The following SPATA31F1 variants were observed in gnomAD, a reference collection of about 807,000 sequenced individuals.
The protein encoded by SPATA31F1 is protein SPATA31F1.
At chr9:34,723,138 C>T in the SPATA31F1 span, 1 of 1,419,090 alleles carries the variant, frequency 7.0e-7, no homozygotes, top group Admixed American at 2.7e-5. Context: ...CTCTGGAGGG[C>T]TGCAGCAGTT....
At chr9:34,724,362 G>T in the SPATA31F1 span, 2 of 1,550,894 alleles carry the variant, frequency 1.3e-6, no homozygotes, top group Non-Finnish European at 1.7e-6. Context: ...TCTTTAAGGT[G>T]AACCCCTTCT....
At chr9:34,725,242 T>TGTCCATCCCCA in the SPATA31F1 span, 1 of 1,415,628 alleles carries the variant, frequency 7.1e-7, no homozygotes, top group Non-Finnish European at 9.7e-7. Flanking sequence ...TTAACAAGTG[T>TGTCCATCCCCA]GGCCTGGGGA....
chr9:34,724,411 T>C, the SPATA31F1 span: 4 of 1,550,764 alleles, frequency 2.6e-6, no homozygotes, highest in Non-Finnish European at 3.5e-6. Context: ...GGATGGGCAG[T>C]TCCTGGAGCA....
chr9:34,728,398 A>G, the SPATA31F1 span, among the ~76,000 whole-genome samples: 3 of 152,208 alleles, frequency 2.0e-5, no homozygotes, highest in Non-Finnish European at 4.4e-5. Flanking sequence ...CATCTGCTCT[A>G]CTTTCTTAAT....
At chr9:34,727,962 G>A in the SPATA31F1 span, 1 of 1,500,774 alleles carries the variant, frequency 6.7e-7, no homozygotes, top group South Asian at 1.2e-5. Flanking sequence ...CCCAGGCCAA[G>A]CCAAGAAATC....
chr9:34,723,117 C>A, the SPATA31F1 span: 20 of 1,280,776 alleles, frequency 1.6e-5, no homozygotes, highest in Admixed American at 2.8e-5. Flanking sequence ...ATGGAAATGA[C>A]AATACTGGTC....
At chr9:34,724,316 T>C in the SPATA31F1 span, 4 of 1,551,302 alleles carry the variant, frequency 2.6e-6, no homozygotes, top group Admixed American at 3.9e-5. Flanking sequence ...TTGCTTTTGG[T>C]TCTGCTGCAC....
chr9:34,726,754 C>T, the SPATA31F1 span: 134 of 1,551,698 alleles, frequency 8.6e-5, 2 homozygotes, highest in South Asian at 1.4e-3. Context: ...ACAGTGAAAG[C>T]TCTCTGGTGT....
the SPATA31F1 span, chr9:34,728,036 G>T: frequency 6.4e-7 from 1 of 1,552,200 alleles, no homozygotes; most frequent in Non-Finnish European, 8.7e-7. Context: ...TAATGATGGA[G>T]AGCAGCTTCT....
At chr9:34,728,629 G>A in the SPATA31F1 span, 12 of 1,551,162 alleles carry the variant, frequency 7.7e-6, no homozygotes, top group Non-Finnish European at 1.0e-5. Flanking sequence ...TGCATCTCTA[G>A]CTCTTTGCCT....
At chr9:34,724,196 T>G in the SPATA31F1 span, 2 of 1,551,480 alleles carry the variant, frequency 1.3e-6, no homozygotes, top group South Asian at 2.4e-5. Context: ...TTTGTTCACA[T>G]TGGCCTCTAC....
the SPATA31F1 span, chr9:34,723,793 A>G: frequency 6.4e-7 from 1 of 1,551,742 alleles, no homozygotes; most frequent in Middle Eastern, 1.7e-4. Flanking sequence ...TCGCTGGTTC[A>G]AGGATGACAG....
At chr9:34,725,526 TC>T in the SPATA31F1 span, 3 of 1,335,736 alleles carry the variant, frequency 2.2e-6, no homozygotes, top group Admixed American at 6.3e-5. Flanking sequence ...GAGATGGACT[TC>T]CCTGTCTGGG....
At chr9:34,726,706 C>T in the SPATA31F1 span, 12 of 1,551,684 alleles carry the variant, frequency 7.7e-6, no homozygotes, top group Non-Finnish European at 1.0e-5. Context: ...TTAAAGATTT[C>T]TGATCTGTTA....
chr9:34,724,066 C>T, the SPATA31F1 span: 6 of 1,517,040 alleles, frequency 4.0e-6, no homozygotes, highest in Non-Finnish European at 5.3e-6. Context: ...CTCTGTGGTC[C>T]CTGGCTGCTT....
At chr9:34,727,513 A>T in the SPATA31F1 span, among the ~76,000 whole-genome samples, 1 of 152,136 alleles carries the variant, frequency 6.6e-6, no homozygotes, top group Non-Finnish European at 1.5e-5. Flanking sequence ...TAGAGCTCTT[A>T]AGGAGAGGAT....
chr9:34,726,477 T>G, the SPATA31F1 span: 1 of 1,551,534 alleles, frequency 6.4e-7, no homozygotes, highest in Non-Finnish European at 8.7e-7. Flanking sequence ...ACCTGGGAAT[T>G]CAAGTGATGC....
chr9:34,724,829 A>G, the SPATA31F1 span: 1 of 1,549,596 alleles, frequency 6.5e-7, no homozygotes, highest in South Asian at 1.2e-5. Flanking sequence ...TTGGCTAGTG[A>G]CTGCCGGGGC....
chr9:34,723,878 A>T, the SPATA31F1 span: 1 of 1,551,256 alleles, frequency 6.4e-7, no homozygotes, highest in African/African-American at 1.4e-5. Context: ...TAGCTGTGGG[A>T]GCTTAAGCTG....
Sources: gnomAD v4.1 joint callset for allele counts (sites outside exome capture counted in the v4.1 genomes callset) on GRCh38, gnomAD v4.1.1 for gene constraint, MANE v1.5 for transcripts, NCBI Gene and HGNC (gene_info 2026-07-23, HGNC 2026-07-21) for gene names.